CCNJL: variants seen among roughly 807,000 people sequenced by gnomAD.
The protein encoded by CCNJL is cyclin J like, also known as cyclin-J-like protein.
Under a neutral mutation model 33.4 loss-of-function variants are expected in CCNJL, and 33 were observed. The observed-to-expected ratio is 0.99, with a 90% CI of 0.75 to 1.32. The LOEUF (loss-of-function observed/expected upper bound fraction) is 1.32, where lower values mean the gene tolerates loss of function less well. CCNJL is among the 40% of genes most tolerant of loss of function. CCNJL has a pLI of 0.00. For synonymous variants in CCNJL, 227 were observed against 220.9 expected, an observed-to-expected ratio of 1.03 and a Z score of -0.24; for missense variants, 512 against 499.7, an observed-to-expected ratio of 1.02 and a Z score of -0.23.
chr5:160,280,841 T>C, intron 2 of CCNJL, 103 bp from the exon 3 acceptor site: 1 of 786,656 alleles, frequency 1.3e-6, no homozygotes, highest in Non-Finnish European at 2.2e-6. Context: ...GAGGCAACGA[T>C]TCCCTCCATA....
chr5:160,320,788 C>CCTCTTTCTTT (rs1490550277), intron 1 of CCNJL, among the ~76,000 whole-genome samples: 63 of 116,318 alleles, frequency 5.4e-4, no homozygotes, highest in African/African-American at 2.0e-3. Context: ...TTCTTTCTTT[C>CCTCTTTCTTT]CTTTCTTTCT....
At position 160,280,839 on chromosome 5, in the gene CCNJL, G is replaced by A. The variant is rs78941682; in HGVS notation, c.67-101C>T. 3.3e-3 allele frequency: 2,663 copies of A among 803,238 alleles called. 90 individuals are homozygous for A. In the East Asian group the frequency reaches 0.065, roughly 20 times the overall value. The allele number at this position is 803,238 out of a possible 1,614,324, so 49.8% of individuals were successfully genotyped here. On this transcript the variant is annotated intron_variant, in intron 2 of 5. Transcript: ENST00000257536. ...CCTCAGGGCCTGAATGGGAGGCAAC[G>A]ATTCCCTCCATACCCTTCTTAGTTT...
chr5:160,306,226 A>G (rs1335688307), intron 2 of CCNJL, among the ~76,000 whole-genome samples: 1 of 142,926 alleles, frequency 7.0e-6, no homozygotes, highest in Non-Finnish European at 1.5e-5. Flanking sequence ...AGCCAAAATC[A>G]TGCCACTGCT....
At chr5:160,319,527 C>T (rs1038493167) in intron 1 of CCNJL, among the ~76,000 whole-genome samples, 3 of 152,232 alleles carry the variant, frequency 2.0e-5, no homozygotes, top group African/African-American at 4.8e-5. Flanking sequence ...ATCTACCCCA[C>T]ACACTTCAGG....
rs536576769 is a variant in CCNJL, at chr5:160,269,385, C to T, written c.281-9614G>A. ...TCCCACAAGTGCTTCTGTCCTCGTACGGAGGATAGGAGTTATCTCCTGTCA... is the reference window on the plus strand; with the variant it reads ...TCCCACAAGTGCTTCTGTCCTCGTATGGAGGATAGGAGTTATCTCCTGTCA... On this transcript the variant is annotated intron_variant, in intron 3 of 5. Transcript: ENST00000257536. 2.2e-5 allele frequency: 10 copies of T among 456,250 alleles called. 1 individual carries two copies. Among genetic ancestry groups the T allele is most frequent in the Middle Eastern group, 3.3e-4 (1 of 3,070 alleles). The allele number at this position is 456,250 out of a possible 1,614,324, so 28.3% of individuals were successfully genotyped here.
At chr5:160,254,583 C>T (rs1760970303) in intron 5 of CCNJL, 2 of 375,234 alleles carry the variant, frequency 5.3e-6, no homozygotes, top group Non-Finnish European at 9.4e-6. Context: ...CTAAGGGCTT[C>T]CGCTTTGCCC....
intron 3 of CCNJL, among the ~76,000 whole-genome samples, chr5:160,260,274 G>A (rs939850736): frequency 1.3e-5 from 2 of 152,118 alleles, no homozygotes; most frequent in African/African-American, 4.8e-5. Context: ...ATGGCTTCCC[G>A]CTATCCTGGC....
At chr5:160,333,858 G>A (rs573892782) in intron 1 of CCNJL, among the ~76,000 whole-genome samples, 7 of 152,218 alleles carry the variant, frequency 4.6e-5, no homozygotes, top group African/African-American at 1.7e-4. Context: ...CTCACTCCTA[G>A]AAGAGCTGAG....
intron 2 of CCNJL, among the ~76,000 whole-genome samples, chr5:160,292,911 T>TA (rs1762632554): frequency 6.6e-6 from 1 of 152,128 alleles, no homozygotes; most frequent in South Asian, 2.1e-4. Context: ...ATATGCTTCT[T>TA]ACAGAAAAGG....
At chr5:160,337,342 C>T (rs1262718131) in intron 1 of CCNJL, among the ~76,000 whole-genome samples, 1 of 151,848 alleles carries the variant, frequency 6.6e-6, no homozygotes, top group East Asian at 1.9e-4. Flanking sequence ...AAACTAATCT[C>T]CTGTCTCCCT....
At chr5:160,339,411 G>T in intron 1 of CCNJL, 1 of 389,836 alleles carries the variant, frequency 2.6e-6, no homozygotes, top group Non-Finnish European at 5.2e-6. Context: ...ATCCAAACAC[G>T]TTCTTCAATT....
At chr5:160,320,128 G>A (rs926935868) in intron 1 of CCNJL, among the ~76,000 whole-genome samples, 2 of 152,246 alleles carry the variant, frequency 1.3e-5, no homozygotes, top group South Asian at 4.1e-4. Flanking sequence ...TTAGTAAAAT[G>A]AGAAAACTAC....
intron 2 of CCNJL, among the ~76,000 whole-genome samples, chr5:160,291,977 A>T (rs1483265373): frequency 6.6e-6 from 1 of 152,212 alleles, no homozygotes; most frequent in Admixed American, 6.5e-5. Flanking sequence ...GAACAGGTCA[A>T]AACCCCCATG....
At chr5:160,325,806 G>A (rs1763527220) in intron 1 of CCNJL, among the ~76,000 whole-genome samples, 1 of 152,144 alleles carries the variant, frequency 6.6e-6, no homozygotes, top group Admixed American at 6.5e-5. Context: ...AGACAGGTCA[G>A]CAAGCCACAG....
intron 2 of CCNJL, among the ~76,000 whole-genome samples, chr5:160,289,211 G>A (rs1762506319): frequency 6.6e-6 from 1 of 152,172 alleles, no homozygotes; most frequent in African/African-American, 2.4e-5. Flanking sequence ...ATTGAAGCAT[G>A]TTTAGGAACT....
At chr5:160,335,732 T>TA (rs1763673214) in intron 1 of CCNJL, among the ~76,000 whole-genome samples, 1 of 142,580 alleles carries the variant, frequency 7.0e-6, no homozygotes. Context: ...CCATCATGTC[T>TA]AATTTTTTTT....
chr5:160,306,162 T>C (rs979161426), intron 2 of CCNJL, among the ~76,000 whole-genome samples: 30 of 150,504 alleles, frequency 2.0e-4, no homozygotes, highest in African/African-American at 7.1e-4. Context: ...TCCTAGCTAC[T>C]CGGGAGGCTG....
intron 3 of CCNJL, among the ~76,000 whole-genome samples, chr5:160,266,318 A>C (rs1452586466): frequency 6.6e-6 from 1 of 152,282 alleles, no homozygotes; most frequent in East Asian, 1.9e-4. Flanking sequence ...GGCCAGGCTC[A>C]ATAGAGACCT....
chr5:160,254,231 C>T (rs1760953725), intron 5 of CCNJL: 5 of 528,402 alleles, frequency 9.5e-6, no homozygotes, highest in Middle Eastern at 6.3e-4. Flanking sequence ...CTCTGCTTTC[C>T]AGGCAATTCT....
Sources: gnomAD v4.1 joint callset for allele counts (sites outside exome capture counted in the v4.1 genomes callset) on GRCh38, gnomAD v4.1.1 for gene constraint, MANE v1.5 for transcripts, NCBI Gene and HGNC (gene_info 2026-07-23, HGNC 2026-07-21) for gene names.